SNX32: variants seen among roughly 807,000 people sequenced by gnomAD.
SNX32 encodes sorting nexin-32.
In SNX32, 58 loss-of-function variants were observed where a neutral mutation model predicts 57.0. The observed-to-expected ratio is 1.02, with a 90% CI of 0.82 to 1.27. SNX32 has a LOEUF of 1.27. SNX32 is among the 50% of genes most tolerant of loss of function. The pLI, the probability that SNX32 is intolerant of heterozygous loss-of-function variation, is 0.00. For missense variants in SNX32, 589 were observed against 541.2 expected (o/e 1.09, Z -0.88); for synonymous variants, 262 against 220.4 (o/e 1.19, Z -1.67).
intron 1 of SNX32, among the ~76,000 whole-genome samples, chr11:65,839,450 C>T (rs1023942592): frequency 6.7e-6 from 1 of 148,574 alleles, no homozygotes; most frequent in African/African-American, 2.5e-5. Context: ...GGGATGGTCT[C>T]GATCTCCTGA....
intron 1 of SNX32, among the ~76,000 whole-genome samples, chr11:65,845,158 G>C (rs1310106657): frequency 7.9e-6 from 1 of 126,140 alleles, no homozygotes; most frequent in African/African-American, 2.9e-5. Context: ...AAAAAAAAAA[G>C]GCTGGGTGTG....
chr11:65,851,402 A>G lies in SNX32; in HGVS notation c.784A>G (p.Thr262Ala). 1 of 1,614,074 alleles carries G rather than the reference A, an allele frequency of 6.2e-7. No individual in the cohort carries two copies. Among genetic ancestry groups the G allele is most frequent in the Non-Finnish European group, 8.5e-7 (1 of 1,179,964 alleles). ...LGTQEVNQLR[T>A]SFLKLAELFE... is the part of the protein sequence containing the mutation. ...AACACAGGAAGTCAACCAGCTAAGG[A>G]CGTGAGGACTCCCCCCACCCCTACC... The change falls in exon 8 of 13, where the codon ACG becomes GCG. Residue 262 changes from threonine to alanine, a missense_variant and splice_region_variant. Coordinates refer to ENST00000308342, the MANE Select transcript of SNX32 (RefSeq NM_152760.3).
chr11:65,851,823 A>G, intron 9 of SNX32, 144 bp downstream of exon 9: 2 of 873,720 alleles, frequency 2.3e-6, no homozygotes, highest in South Asian at 2.9e-5. Context: ...ACTCCAGACT[A>G]GTTTAACAAA....
intron 1 of SNX32, among the ~76,000 whole-genome samples, chr11:65,846,370 G>A (rs904338116): frequency 2.6e-5 from 4 of 151,594 alleles, no homozygotes; most frequent in South Asian, 2.1e-4. Context: ...AGGAGTTCCA[G>A]ACCAGCTTCA....
intron 4 of SNX32, 79 bp downstream of exon 4, chr11:65,850,350 C>T (rs1291550151): frequency 5.0e-6 from 8 of 1,612,916 alleles, no homozygotes; most frequent in Non-Finnish European, 6.8e-6. Context: ...TGTTTAGCAA[C>T]CCTGACCTCT....
At chr11:65,834,212 G>A in intron 1 of SNX32, 111 bp downstream of exon 1, 1 of 1,017,574 alleles carries the variant, frequency 9.8e-7, no homozygotes, top group South Asian at 1.5e-5. Flanking sequence ...GTCTGCCTCT[G>A]TGTGTTTCTG....
intron 1 of SNX32, among the ~76,000 whole-genome samples, chr11:65,846,416 A>G (rs1031316075): frequency 1.3e-5 from 2 of 151,500 alleles, no homozygotes; most frequent in Non-Finnish European, 2.9e-5. Flanking sequence ...AAAATACAAA[A>G]TTAGCTGGGC....
In SNX32 at chr11:65,853,693, T is replaced by C; in HGVS notation, c.*358T>C. On this transcript the variant is annotated 3_prime_UTR_variant, in exon 13 of 13. Coordinates refer to ENST00000308342, the MANE Select transcript of SNX32 (RefSeq NM_152760.3). ...TCCTTCGCAAATAAAAACCCTGGTT[T>C]TGTAGCAAGGAGGCCTGTTGTCCTT... 1 of 313,284 alleles carries C rather than the reference T, an allele frequency of 3.2e-6. No individual in the cohort carries two copies. Among genetic ancestry groups the C allele is most frequent in the South Asian group, 3.7e-5 (1 of 26,768 alleles). 19.4% of individuals were successfully genotyped at this position (313,284 alleles called of 1,614,324 possible). A position where few individuals can be genotyped will look rare whatever the true frequency, so the allele number is the denominator to read the frequency against.
At chr11:65,851,282 T>G (rs375089334) in intron 7 of SNX32, 46 bp from the exon 8 acceptor site, 144 of 1,611,004 alleles carry the variant, frequency 8.9e-5, no homozygotes, top group Non-Finnish European at 1.2e-4. Flanking sequence ...GCACCAAGGC[T>G]TGACATGCAG....
intron 9 of SNX32, 65 bp downstream of exon 9, chr11:65,851,744 C>A: frequency 6.4e-7 from 1 of 1,550,928 alleles, no homozygotes; most frequent in Non-Finnish European, 8.9e-7. Context: ...TGAGTCCTGG[C>A]AGAGGGAAGA....
In SNX32 at chr11:65,850,751, C is replaced by T. The variant is rs753916766; in HGVS notation, c.499C>T (p.Leu167=). 3 of 1,613,840 alleles carry T rather than the reference C, an allele frequency of 1.9e-6. No homozygotes were observed. In the South Asian group the frequency reaches 3.3e-5, roughly 18 times the overall value. ...ATCATACCCTCCCTGTGTGCCTCAG[C>T]TGAGTGTCCGGGGGAAGAACAGGAA... ...FFVFLEYGQD[L]SVRGKNRKEL... The change falls in exon 6 of 13, where the codon CTG becomes TTG. Residue 167 remains leucine (L), a splice_region_variant and synonymous_variant. Transcript: ENST00000308342.
At chr11:65,842,477 A>G (rs959149514) in intron 1 of SNX32, among the ~76,000 whole-genome samples, 3 of 151,370 alleles carry the variant, frequency 2.0e-5, no homozygotes, top group Admixed American at 6.6e-5. Context: ...ATGGTGAAAC[A>G]CTGTCTCTAC....
Position 65,834,205 on chromosome 11 carries a change from T to G in SNX32, c.36+104T>G, listed in dbSNP as rs987971995. On this transcript the variant is annotated intron_variant, in intron 1 of 12. Transcript: ENST00000308342. Reference sequence around the variant, plus strand: ...TGTGTGTGTCTGTGTGTGTGTGGTCTGCCTCTGTGTGTTTCTGTGTGTGTC... The same window carrying G: ...TGTGTGTGTCTGTGTGTGTGTGGTCGGCCTCTGTGTGTTTCTGTGTGTGTC... 47 of 1,065,128 alleles carry G rather than the reference T, an allele frequency of 4.4e-5. 1 individual carries two copies. Among genetic ancestry groups the G allele is most frequent in the Non-Finnish European group, 6.2e-5 (45 of 722,716 alleles). 66.0% of individuals were successfully genotyped at this position (1,065,128 alleles called of 1,614,324 possible).
intron 8 of SNX32, 57 bp downstream of exon 8, chr11:65,851,460 A>G (rs1859193684): frequency 6.3e-6 from 10 of 1,586,696 alleles, no homozygotes; most frequent in Admixed American, 1.7e-5. Context: ...ATGTCTTCCC[A>G]TGAGGGGTCA....
intron 1 of SNX32, among the ~76,000 whole-genome samples, chr11:65,846,133 T>C (rs569374929): frequency 1.7e-3 from 253 of 151,942 alleles, no homozygotes; most frequent in African/African-American, 5.9e-3. Context: ...TAGCTGGACG[T>C]GGTGGTGGGC....
intron 1 of SNX32, among the ~76,000 whole-genome samples, chr11:65,840,286 T>C (rs565424364): frequency 6.6e-6 from 1 of 152,316 alleles, no homozygotes; most frequent in Non-Finnish European, 1.5e-5. Flanking sequence ...TTAAGCTTCA[T>C]TAAGATACCC....
rs186698924 is a variant in SNX32, at chr11:65,847,128, C to G, written c.37-2350C>G. 9.3e-4 allele frequency among the ~76,000 whole-genome samples: 142 copies of G among 152,086 alleles called. 2 individuals carry two copies. The South Asian group carries it at 0.022, about 24-fold the overall frequency. ...GCTCAATCTTCCCACCTCAGCCCCCCCCAAGTAGCTGGAACCACAGGCATG... is the reference window on the plus strand; with the variant it reads ...GCTCAATCTTCCCACCTCAGCCCCCGCCAAGTAGCTGGAACCACAGGCATG... On this transcript the variant is annotated intron_variant, in intron 1 of 12. Coordinates refer to ENST00000308342, the MANE Select transcript of SNX32 (RefSeq NM_152760.3).
rs201720783 is a variant in SNX32 at position 65,850,714 on chromosome 11, G to C, written c.499-37G>C. 1,342 of 1,592,136 alleles carry C rather than the reference G, an allele frequency of 8.4e-4. 4 individuals are homozygous for C. In the African/African-American group the frequency reaches 0.016, roughly 19 times the overall value. ...GCAACTTGGGGTGGGAGGTGAGAAC[G>C]CCCACCCCAGCATCATACCCTCCCT... is the stretch of plus-strand genomic sequence containing the variant. On this transcript the variant is annotated intron_variant, in intron 5 of 12. Transcript: ENST00000308342.
At chr11:65,849,766 C>A in intron 2 of SNX32, 154 bp from the exon 3 acceptor site, 1 of 764,820 alleles carries the variant, frequency 1.3e-6, no homozygotes, top group Non-Finnish European at 2.1e-6. Flanking sequence ...CTAATCATTC[C>A]TGTCCACCAT....
Sources: gnomAD v4.1 joint callset for allele counts (sites outside exome capture counted in the v4.1 genomes callset) on GRCh38, gnomAD v4.1.1 for gene constraint, MANE v1.5 for transcripts, NCBI Gene and HGNC (gene_info 2026-07-23, HGNC 2026-07-21) for gene names.